Variants in PPIG observed in about 807,000 individuals in gnomAD.
PPIG encodes the protein peptidylprolyl isomerase G.
In PPIG, 26 loss-of-function variants were observed where a neutral mutation model predicts 87.9. The observed-to-expected ratio is 0.30, with a 90% CI of 0.22 to 0.41. PPIG has a LOEUF of 0.41. Among genes scored for constraint, PPIG ranks in the 10% least tolerant of loss-of-function variants. The pLI is 1.00. For missense variants in PPIG, 722 were observed against 879.4 expected, an observed-to-expected ratio of 0.82 and a Z score of 2.26; for synonymous variants, 308 against 276.5, an observed-to-expected ratio of 1.11 and a Z score of -1.13.
intron 9 of PPIG, 133 bp downstream of exon 9, chr2:169,614,857 G>A (rs1166775461): frequency 7.3e-6 from 8 of 1,090,802 alleles, no homozygotes; most frequent in Non-Finnish European, 8.8e-6. Flanking sequence ...GTATTTCTGT[G>A]CTTTTATTTT....
rs759754221 is a variant in PPIG, at chr2:169,584,382, T to TG, written c.-177dup. 2.1e-6 allele frequency: 1 copy of TG among 470,980 alleles called. No individual in the cohort carries two copies. Among genetic ancestry groups the TG allele is most frequent in the South Asian group, 1.5e-5 (1 of 64,564 alleles). The allele number at this position is 470,980 out of a possible 1,614,324, so 29.2% of individuals were successfully genotyped here. A position where few individuals can be genotyped will look rare whatever the true frequency, so the allele number is the denominator to read the frequency against. ...CTGTCTCTCCATGCCAGGACTGAGT[T>TG]GTGGGGGAGGGAGGCGGTTAGCGGG... On this transcript the variant is annotated 5_prime_UTR_variant, in exon 1 of 14. The change creates a premature stop within an existing upstream ORF in the 5' untranslated region. Transcript: ENST00000260970.
At position 169,633,498 on chromosome 2, in the gene PPIG, C is replaced by T. The variant is rs1018946629; in HGVS notation, c.1017+251C>T. 5.3e-5 allele frequency: 28 copies of T among 528,322 alleles called. No homozygotes were observed. The East Asian group carries it at 6.7e-4, about 13-fold the overall frequency. The allele number at this position is 528,322 out of a possible 1,614,324, so 32.7% of individuals were successfully genotyped here. ...TGGGATCGAGGTCTTTCTTGTCTCC[C>T]GTGTTTCTTGGCAATCACTGTATCT... On this transcript the variant is annotated intron_variant, in intron 12 of 13. Coordinates refer to ENST00000260970, the MANE Select transcript of PPIG (RefSeq NM_004792.3).
intron 9 of PPIG, among the ~76,000 whole-genome samples, chr2:169,629,026 G>A (rs907907225): frequency 7.3e-5 from 11 of 151,478 alleles, no homozygotes; most frequent in African/African-American, 2.2e-4. Flanking sequence ...CTAAGGTGGG[G>A]CTAAAGGAAA....
At chr2:169,610,423 G>C (rs1206761532) in intron 7 of PPIG, among the ~76,000 whole-genome samples, 1 of 151,840 alleles carries the variant, frequency 6.6e-6, no homozygotes, top group East Asian at 1.9e-4. Context: ...AAATGTGTTA[G>C]GTTTATTCCT....
chr2:169,585,020 C>A (rs140746657), intron 1 of PPIG: 1 of 159,966 alleles, frequency 6.3e-6, no homozygotes, highest in East Asian at 1.9e-4. Flanking sequence ...AGCTTTCCTC[C>A]TCTTTCGACC....
intron 9 of PPIG, among the ~76,000 whole-genome samples, chr2:169,630,224 C>A (rs1399138630): frequency 6.6e-6 from 1 of 151,668 alleles, no homozygotes; most frequent in East Asian, 1.9e-4. Context: ...TTGTAGAGTC[C>A]CCAAAACATT....
At chr2:169,584,716 C>T (rs1309516664) in intron 1 of PPIG, 3 of 319,362 alleles carry the variant, frequency 9.4e-6, no homozygotes, top group Admixed American at 9.7e-5. Flanking sequence ...GCAGTCGAGC[C>T]CCGGGGCCTG....
At chr2:169,612,721 T>G (rs1421419103) in intron 7 of PPIG, among the ~76,000 whole-genome samples, 3 of 152,308 alleles carry the variant, frequency 2.0e-5, no homozygotes, top group East Asian at 3.9e-4. Flanking sequence ...TTCCACTATA[T>G]GTATATACCA....
Position 169,606,376 on chromosome 2 carries a change from G to A in PPIG, c.244+230G>A, listed in dbSNP as rs531366694. ...TGGGAGGCCGAGGTGGGCGGATCAC[G>A]AGGTCAGTAGTTCGAGACCAGCCTG... is the stretch of plus-strand genomic sequence containing the variant. On this transcript the variant is annotated intron_variant, in intron 5 of 13. Transcript: ENST00000260970. 5.9e-5 allele frequency among the ~76,000 whole-genome samples: 9 copies of A among 151,976 alleles called. No individual in the cohort carries two copies. The East Asian group carries it at 1.7e-3, about 29-fold the overall frequency.
At chr2:169,629,839 T>C (rs1685989031) in intron 9 of PPIG, among the ~76,000 whole-genome samples, 1 of 152,220 alleles carries the variant, frequency 6.6e-6, no homozygotes, top group South Asian at 2.1e-4. Context: ...TTCATTTCAT[T>C]AGCCAGTGGT....
intron 1 of PPIG, among the ~76,000 whole-genome samples, chr2:169,592,346 C>T (rs1400832653): frequency 7.3e-6 from 1 of 137,724 alleles, no homozygotes; most frequent in African/African-American, 2.7e-5. Context: ...GCTCTGTCAC[C>T]CAGGCTGGAG....
At chr2:169,621,513 G>A (rs1402401490) in intron 9 of PPIG, among the ~76,000 whole-genome samples, 1 of 151,922 alleles carries the variant, frequency 6.6e-6, no homozygotes, top group Non-Finnish European at 1.5e-5. Context: ...AAAACAAGAT[G>A]TTGAGAATCT....
At chr2:169,607,198 CTATTT>C (rs760818675) in intron 6 of PPIG, 50 bp downstream of exon 6, 8 of 1,157,408 alleles carry the variant, frequency 6.9e-6, no homozygotes, top group South Asian at 2.7e-5. Flanking sequence ...GTCTTTTATT[CTATTT>C]TATTCTCTAT....
At position 169,637,592 on chromosome 2, in the gene PPIG, C is replaced by T. The variant is rs1686218317; in HGVS notation, c.*69C>T. On this transcript the variant is annotated 3_prime_UTR_variant, in exon 14 of 14. Coordinates refer to ENST00000260970, the MANE Select transcript of PPIG (RefSeq NM_004792.3). ...TTTGAGAGACTTGCTAATGAATCTC[C>T]TTTATGTTGTTTTCCTTTTCATTGT... The T allele has an allele frequency of 7.4e-7, 1 of 1,349,908 alleles. No individual in the cohort carries two copies. The highest frequency in any genetic ancestry group is 9.8e-7 in the Non-Finnish European group (1 of 1,016,482). The allele number at this position is 1,349,908 out of a possible 1,614,324, so 83.6% of individuals were successfully genotyped here.
chr2:169,591,961 C>T (rs1684876823), intron 1 of PPIG, among the ~76,000 whole-genome samples: 2 of 109,604 alleles, frequency 1.8e-5, no homozygotes, highest in Admixed American at 1.4e-4. Context: ...GAGTCTCACT[C>T]TGTTGGCCAG....
At position 169,639,361 on chromosome 2, in the gene PPIG, CTATT is replaced by C. The variant is rs1574469432; in HGVS notation, c.*1840_*1843del. On this transcript the variant is annotated 3_prime_UTR_variant, in exon 14 of 14. Coordinates refer to ENST00000260970, the MANE Select transcript of PPIG (RefSeq NM_004792.3). ...TGCATTTTAAAATTGTTGTTATAAACTATTTGAGCTTTAAGAAAGGTGCTATTTA... is the reference window on the plus strand; with the variant it reads ...TGCATTTTAAAATTGTTGTTATAAACTGAGCTTTAAGAAAGGTGCTATTTA... The C allele has an allele frequency of 6.6e-6, 1 of 151,994 alleles. No homozygotes were observed. The highest frequency in any genetic ancestry group is 1.5e-5 in the Non-Finnish European group (1 of 67,932). 9.4% of individuals were successfully genotyped at this position (151,994 alleles called of 1,614,324 possible).
At chr2:169,594,625 C>CTTTTTTTTTTT (rs61375406) in intron 1 of PPIG, among the ~76,000 whole-genome samples, 45 of 114,632 alleles carry the variant, frequency 3.9e-4, no homozygotes, top group Non-Finnish European at 5.6e-4. Flanking sequence ...TCTTTCTTTT[C>CTTTTTTTTTTT]TTTTTTTTTT....
intron 9 of PPIG, among the ~76,000 whole-genome samples, chr2:169,627,915 G>T (rs1174703110): frequency 6.6e-6 from 1 of 151,922 alleles, no homozygotes; most frequent in African/African-American, 2.4e-5. Flanking sequence ...TATTTTGCTT[G>T]CACAATTTTA....
chr2:169,628,885 G>T (rs953057214), intron 9 of PPIG, among the ~76,000 whole-genome samples: 1 of 144,274 alleles, frequency 6.9e-6, no homozygotes, highest in Non-Finnish European at 1.5e-5. Flanking sequence ...GGTCAAGACT[G>T]CAGTGAGCTA....
Sources: gnomAD v4.1 joint callset for allele counts (sites outside exome capture counted in the v4.1 genomes callset) on GRCh38, gnomAD v4.1.1 for gene constraint, MANE v1.5 for transcripts, NCBI Gene and HGNC (gene_info 2026-07-23, HGNC 2026-07-21) for gene names.